Variants in NTNG1 observed in about 807,000 individuals in gnomAD.
NTNG1 encodes netrin-G1.
NTNG1 carries 16 observed loss-of-function variants against 54.0 expected under a neutral mutation model. That is an observed-to-expected ratio of 0.30 (90% CI 0.20 to 0.45). The LOEUF (loss-of-function observed/expected upper bound fraction) is 0.45, where lower values mean the gene tolerates loss of function less well. Among genes scored for constraint, NTNG1 ranks in the 20% least tolerant of loss-of-function variants. The pLI, the probability that NTNG1 is intolerant of heterozygous loss-of-function variation, is 1.00. For synonymous variants in NTNG1, 255 were observed against 263.1 expected (o/e 0.97, Z 0.30); for missense variants, 530 against 678.7 (o/e 0.78, Z 2.43).
At chr1:107,421,288 G>C (rs1674561351) in intron 5 of NTNG1, 12 of 532,092 alleles carry the variant, frequency 2.3e-5, no homozygotes, top group Non-Finnish European at 3.4e-6. Context: ...GCATCGAATA[G>C]TACTGAGAAT....
intron 3 of NTNG1, among the ~76,000 whole-genome samples, chr1:107,390,595 AAC>A (rs1278698243): frequency 4.6e-5 from 7 of 152,232 alleles, no homozygotes; most frequent in Admixed American, 4.6e-4. Flanking sequence ...GGCAGTTTTC[AAC>A]ACACATCATG....
At position 107,481,199 on chromosome 1, in the gene NTNG1, G is replaced by A. The variant is rs1243166014; in HGVS notation, c.*359G>A. On this transcript the variant is annotated 3_prime_UTR_variant, in exon 8 of 8. Coordinates refer to ENST00000370068, the MANE Select transcript of NTNG1 (RefSeq NM_001113226.3). ...AACATTGGCTACTCTAGCGTGGTGC[G>A]CCCTAGTACGACTCCGCCCAGTGTG... 8 of 278,414 alleles carry A rather than the reference G, an allele frequency of 2.9e-5. No homozygotes were observed. Among genetic ancestry groups the A allele is most frequent in the Admixed American group, 1.4e-4 (3 of 20,814 alleles). 17.2% of individuals were successfully genotyped at this position (278,414 alleles called of 1,614,324 possible). A position where few individuals can be genotyped will look rare whatever the true frequency, so the allele number is the denominator to read the frequency against.
intron 5 of NTNG1, among the ~76,000 whole-genome samples, chr1:107,418,205 A>C (rs753817612): frequency 6.6e-6 from 1 of 152,118 alleles, no homozygotes. Flanking sequence ...AATTGAGGAG[A>C]ATGGAATCCT....
intron 1 of NTNG1, among the ~76,000 whole-genome samples, chr1:107,146,334 C>T (rs1570700036): frequency 6.6e-6 from 1 of 151,902 alleles, no homozygotes; most frequent in African/African-American, 2.4e-5. Flanking sequence ...TATTTGTTTC[C>T]TCTTATAAAA....
chr1:107,226,806 G>A (rs1342752446), intron 2 of NTNG1, among the ~76,000 whole-genome samples: 1 of 152,046 alleles, frequency 6.6e-6, no homozygotes, highest in African/African-American at 2.4e-5. Context: ...CGCATGTTCT[G>A]ACTTCCTGAA....
intron 7 of NTNG1, among the ~76,000 whole-genome samples, chr1:107,455,344 G>A (rs560624194): frequency 1.4e-3 from 206 of 152,274 alleles, no homozygotes; most frequent in Middle Eastern, 3.4e-3. Flanking sequence ...GATTACAGGC[G>A]TGAGCCACCA....
chr1:107,240,284 T>A (rs546224619), intron 2 of NTNG1, among the ~76,000 whole-genome samples: 167 of 152,212 alleles, frequency 1.1e-3, no homozygotes, highest in African/African-American at 3.8e-3. Context: ...TATTTTTTTT[T>A]TTTTTTTTTT....
chr1:107,281,014 A>G (rs937783503), intron 2 of NTNG1, among the ~76,000 whole-genome samples: 2 of 151,892 alleles, frequency 1.3e-5, no homozygotes, highest in East Asian at 1.9e-4. Flanking sequence ...TAAGCCCCAC[A>G]TCTCACCCTT....
intron 3 of NTNG1, among the ~76,000 whole-genome samples, chr1:107,336,603 C>G (rs1408640321): frequency 6.6e-6 from 1 of 151,798 alleles, no homozygotes; most frequent in Non-Finnish European, 1.5e-5. Context: ...GCACAGTCAA[C>G]AAAAGCAAAA....
intron 3 of NTNG1, among the ~76,000 whole-genome samples, chr1:107,348,526 C>T (rs1224128566): frequency 6.6e-6 from 1 of 152,190 alleles, no homozygotes; most frequent in Non-Finnish European, 1.5e-5. Flanking sequence ...GGGCTGTCCA[C>T]TGTTGTGCCT....
intron 7 of NTNG1, among the ~76,000 whole-genome samples, chr1:107,469,995 G>T (rs1176554631): frequency 6.6e-6 from 1 of 152,098 alleles, no homozygotes; most frequent in Non-Finnish European, 1.5e-5. Flanking sequence ...TTTAGCACCA[G>T]TCTCTACTAA....
At chr1:107,436,295 A>AT (rs1241138013) in intron 6 of NTNG1, among the ~76,000 whole-genome samples, 1 of 152,226 alleles carries the variant, frequency 6.6e-6, no homozygotes, top group East Asian at 1.9e-4. Flanking sequence ...CCATTTGAAT[A>AT]ATTTAAAACA....
At chr1:107,452,231 T>A (rs537347341) in intron 7 of NTNG1, among the ~76,000 whole-genome samples, 26 of 152,314 alleles carry the variant, frequency 1.7e-4, no homozygotes, top group Admixed American at 2.6e-4. Context: ...ATAACCTTGA[T>A]GAAGTGCTGG....
chr1:107,157,109 T>C (rs1655059388), intron 2 of NTNG1, among the ~76,000 whole-genome samples: 1 of 152,202 alleles, frequency 6.6e-6, no homozygotes, highest in South Asian at 2.1e-4. Context: ...TTTCTTCCAT[T>C]ATATTCTTTT....
intron 2 of NTNG1, among the ~76,000 whole-genome samples, chr1:107,323,225 T>C (rs920765360): frequency 6.6e-6 from 1 of 152,046 alleles, no homozygotes; most frequent in Non-Finnish European, 1.5e-5. Flanking sequence ...GAGTACAGAA[T>C]AAGAAACACC....
chr1:107,211,717 T>A (rs2101384598), intron 2 of NTNG1, among the ~76,000 whole-genome samples: 1 of 152,290 alleles, frequency 6.6e-6, no homozygotes, highest in Admixed American at 6.5e-5. Context: ...TTGAAAAATG[T>A]CTGAGCCAGT....
intron 3 of NTNG1, among the ~76,000 whole-genome samples, chr1:107,376,983 A>G (rs1198692905): frequency 6.6e-6 from 1 of 152,154 alleles, no homozygotes; most frequent in African/African-American, 2.4e-5. Context: ...GTAACATAGG[A>G]AAAGCAGGGA....
At position 107,480,880 on chromosome 1, in the gene NTNG1, G is replaced by A; in HGVS notation, c.*40G>A. 6.8e-7 allele frequency: 1 copy of A among 1,462,726 alleles called. No homozygotes were observed. The allele number at this position is 1,462,726 out of a possible 1,614,324, so 90.6% of individuals were successfully genotyped here. Reference sequence around the variant, plus strand: ...CACACCGGACGGGCCTGTGCCGTGGGGAAGCAGACACAACCCAAACATTTG... The same window carrying A: ...CACACCGGACGGGCCTGTGCCGTGGAGAAGCAGACACAACCCAAACATTTG... On this transcript the variant is annotated 3_prime_UTR_variant, in exon 8 of 8. Transcript: ENST00000370068.
rs78574552 is a variant in NTNG1 at position 107,266,278 on chromosome 1, T to C, written c.247-58004T>C. On this transcript the variant is annotated intron_variant, in intron 2 of 7. Transcript: ENST00000370068. ...CCATTCTTGCAGGGCTATAAAGAAA[T>C]ACCTGAAACTGGGTAATTTATAAAG... Among the ~76,000 whole-genome samples, 816 of 152,268 alleles carry C rather than the reference T, an allele frequency of 5.4e-3. 13 individuals carry two copies. The East Asian group carries it at 0.061, about 11-fold the overall frequency.
Sources: gnomAD v4.1 joint callset for allele counts (sites outside exome capture counted in the v4.1 genomes callset) on GRCh38, gnomAD v4.1.1 for gene constraint, MANE v1.5 for transcripts, NCBI Gene and HGNC (gene_info 2026-07-23, HGNC 2026-07-21) for gene names.